Variants in PIK3C2A observed in about 807,000 individuals in gnomAD.
The protein encoded by PIK3C2A is phosphatidylinositol 4-phosphate 3-kinase C2 domain-containing subunit alpha.
PIK3C2A carries 97 observed loss-of-function variants against 204.5 expected under a neutral mutation model. That is an observed-to-expected ratio of 0.47 (90% confidence interval 0.40 to 0.56). The LOEUF (loss-of-function observed/expected upper bound fraction) is 0.56, where lower values mean the gene tolerates loss of function less well. PIK3C2A is among the 20% of genes least tolerant of loss of function. The pLI, the probability that PIK3C2A is intolerant of heterozygous loss-of-function variation, is 0.00. For synonymous variants in PIK3C2A, 653 were observed against 664.4 expected (o/e 0.98, Z 0.26); for missense variants, 1,735 against 1,969.2 (o/e 0.88, Z 2.25).
rs1454867543 is a variant in PIK3C2A at position 17,178,100 on chromosome 11, A to AG, written c.-65-8295_-65-8294insC. Among the ~76,000 whole-genome samples, 790 of 99,190 alleles carry AG rather than the reference A, an allele frequency of 8.0e-3. 15 individuals are homozygous for AG. The highest frequency in any genetic ancestry group is 0.03 in the African/African-American group (752 of 24,938). The allele number at this position is 99,190 out of a possible 152,430, so 65.1% of individuals were successfully genotyped here. A position where few individuals can be genotyped will look rare whatever the true frequency, so the allele number is the denominator to read the frequency against. On this transcript the variant is annotated intron_variant, in intron 1 of 32. Transcript: ENST00000691414. Reference sequence around the variant, plus strand: ...AGAGTGAGACTCCATCTCAAAAAAAAAAAAAAAAAAAAGAAAAAAAAAATT... The same window carrying AG: ...AGAGTGAGACTCCATCTCAAAAAAAAGAAAAAAAAAAAAGAAAAAAAAAATT...
At chr11:17,178,114 A>AAAAAAAAAAAAAAG (rs1565294473) in intron 1 of PIK3C2A, among the ~76,000 whole-genome samples, 25 of 73,230 alleles carry the variant, frequency 3.4e-4, no homozygotes, top group East Asian at 1.0e-3. Flanking sequence ...AAAAAAAAAG[A>AAAAAAAAAAAAAAG]AAAAAAAAAT....
In PIK3C2A at chr11:17,196,578, A is replaced by T. The variant is rs564709969; in HGVS notation, c.-66+11270T>A. 7.4e-3 allele frequency among the ~76,000 whole-genome samples: 1,124 copies of T among 150,898 alleles called. 24 individuals are homozygous for T. The highest frequency in any genetic ancestry group is 0.025 in the African/African-American group (1,046 of 41,216). On this transcript the variant is annotated intron_variant, in intron 1 of 32. Coordinates refer to ENST00000691414, the MANE Select transcript of PIK3C2A (RefSeq NM_002645.4). ...AGTTGGGGAGGATACTATTATTATTATTTTTTTTTGAGACGGAGTCTTGCT... is the reference window on the plus strand; with the variant it reads ...AGTTGGGGAGGATACTATTATTATTTTTTTTTTTTGAGACGGAGTCTTGCT...
At chr11:17,194,131 C>T in intron 1 of PIK3C2A, 1 of 746,422 alleles carries the variant, frequency 1.3e-6, no homozygotes, top group Non-Finnish European at 1.9e-6. Context: ...ATCGACTTGC[C>T]TACATTGCCC....
At chr11:17,107,573 G>A (rs76319602) in intron 22 of PIK3C2A, among the ~76,000 whole-genome samples, 1 of 152,016 alleles carries the variant, frequency 6.6e-6, no homozygotes, top group Non-Finnish European at 1.5e-5. Context: ...GAGGATAAAG[G>A]TATGAGAGAA....
chr11:17,132,625 G>A (rs187135072), intron 11 of PIK3C2A, among the ~76,000 whole-genome samples: 257 of 151,584 alleles, frequency 1.7e-3, no homozygotes, highest in Admixed American at 3.7e-3. Context: ...CACCGCGCCC[G>A]GCCAATTTAC....
chr11:17,112,540 T>C (rs763504592), intron 21 of PIK3C2A, 34 bp downstream of exon 21: 3 of 992,078 alleles, frequency 3.0e-6, no homozygotes, highest in Non-Finnish European at 4.6e-6. Flanking sequence ...AATTTCTAAA[T>C]TGCCATTAAA....
intron 19 of PIK3C2A, among the ~76,000 whole-genome samples, chr11:17,114,869 T>C (rs1381558933): frequency 6.6e-6 from 1 of 152,174 alleles, no homozygotes; most frequent in Non-Finnish European, 1.5e-5. Flanking sequence ...CTATTATAAC[T>C]AAAAATACAT....
chr11:17,181,522 C>T (rs1334333302), intron 1 of PIK3C2A, among the ~76,000 whole-genome samples: 1 of 150,920 alleles, frequency 6.6e-6, no homozygotes, highest in Non-Finnish European at 1.5e-5. Flanking sequence ...GTCCCAGCTA[C>T]TTGGGAAGCT....
chr11:17,193,213 T>C, intron 1 of PIK3C2A, among the ~76,000 whole-genome samples: 1 of 152,202 alleles, frequency 6.6e-6, no homozygotes, highest in East Asian at 1.9e-4. Flanking sequence ...ATTTTCTTTA[T>C]AAAGTATCAA....
chr11:17,131,703 G>A (rs10832739), intron 12 of PIK3C2A, among the ~76,000 whole-genome samples: 63,954 of 152,000 alleles, frequency 0.42, 13,788 homozygotes, highest in Non-Finnish European at 0.47. Context: ...TTACAGGTGT[G>A]AGCCACTGCG....
At chr11:17,199,839 T>C (rs1406235134) in intron 1 of PIK3C2A, among the ~76,000 whole-genome samples, 1 of 150,298 alleles carries the variant, frequency 6.7e-6, no homozygotes, top group African/African-American at 2.5e-5. Context: ...GCAGAATTGC[T>C]TGAACCTGGG....
chr11:17,138,317 C>A, intron 8 of PIK3C2A: 1 of 494,810 alleles, frequency 2.0e-6, no homozygotes. Context: ...CGAAAAACAG[C>A]CAGCTTCCTT....
chr11:17,166,007 T>C (rs1233365291), intron 2 of PIK3C2A, among the ~76,000 whole-genome samples: 13 of 152,190 alleles, frequency 8.5e-5, no homozygotes, highest in Admixed American at 7.2e-4. Context: ...GTTTCATCTA[T>C]AAGCCCTCCA....
chr11:17,117,108 GA>G (rs1369566223), intron 19 of PIK3C2A, among the ~76,000 whole-genome samples: 2 of 152,176 alleles, frequency 1.3e-5, no homozygotes, highest in African/African-American at 4.8e-5. Context: ...TATCCATATA[GA>G]AGTATAGACG....
chr11:17,107,642 G>C (rs188035259), intron 22 of PIK3C2A, among the ~76,000 whole-genome samples: 206 of 152,238 alleles, frequency 1.4e-3, no homozygotes, highest in African/African-American at 4.7e-3. Flanking sequence ...CCTACTATGT[G>C]CAAATATTAT....
At chr11:17,120,483 T>C (rs1022305836) in intron 15 of PIK3C2A, among the ~76,000 whole-genome samples, 1 of 151,890 alleles carries the variant, frequency 6.6e-6, no homozygotes, top group South Asian at 2.1e-4. Context: ...ACCATTTTAC[T>C]ATCCATCCAT....
At chr11:17,102,957 C>G in intron 23 of PIK3C2A, 126 bp from the exon 24 acceptor site, 3 of 603,502 alleles carry the variant, frequency 5.0e-6, no homozygotes, top group Middle Eastern at 4.4e-4. Flanking sequence ...CAATAGCATA[C>G]AAACTGGGAT....
At chr11:17,096,409 C>G (rs929280757) in intron 27 of PIK3C2A, among the ~76,000 whole-genome samples, 1 of 152,074 alleles carries the variant, frequency 6.6e-6, no homozygotes, top group Non-Finnish European at 1.5e-5. Flanking sequence ...CTATCTATAG[C>G]AGGCCAGAAA....
At position 17,168,802 on chromosome 11, in the gene PIK3C2A, T is replaced by C. The variant is rs113596391; in HGVS notation, c.940A>G (p.Thr314Ala). Residue 314 changes from threonine (T) to alanine (A), a missense_variant, in exon 2 of 33, where the codon ACA becomes GCA. Around this residue, in one of 6 missense-constraint regions of PIK3C2A, gnomAD observed 536 missense variants for 546.7 expected, o/e 0.98. Transcript: ENST00000691414. Reference sequence around the variant, plus strand: ...TTTCTTTCAAGATGACAATTTGCTGTCGATCTCTCTTCAAGAAGAACAGCA... The same window carrying C: ...TTTCTTTCAAGATGACAATTTGCTGCCGATCTCTCTTCAAGAAGAACAGCA... ...WDAVLLEERS[T>A]ANCHLERKVN... is the part of the protein sequence containing the mutation. The C allele has an allele frequency of 1.2e-6, 2 of 1,614,062 alleles. No individual in the cohort carries two copies. Among genetic ancestry groups the C allele is most frequent in the Non-Finnish European group, 1.7e-6 (2 of 1,179,974 alleles).
Sources: allele counts gnomAD v4.1 joint callset (sites outside exome capture counted in the v4.1 genomes callset), GRCh38; gene constraint gnomAD v4.1.1; regional missense constraint gnomAD v4.1.1; transcripts MANE v1.5; gene names NCBI Gene and HGNC (gene_info 2026-07-23, HGNC 2026-07-21).